The following XRCC4 variants were observed in gnomAD, a reference collection of about 807,000 sequenced individuals.
XRCC4 encodes the protein X-ray repair cross complementing 4, also known as DNA repair protein XRCC4.
Under a neutral mutation model 39.1 loss-of-function variants are expected in XRCC4, and 28 were observed. That is an observed-to-expected ratio of 0.72 (90% confidence interval 0.53 to 0.98). The LOEUF (loss-of-function observed/expected upper bound fraction) is 0.98. Among genes scored for constraint, XRCC4 ranks in the 50% least tolerant of loss-of-function variants. XRCC4 has a pLI of 0.00. For synonymous variants in XRCC4, 123 were observed against 126.4 expected (o/e 0.97, Z 0.18); for missense variants, 350 against 376.4 (o/e 0.93, Z 0.58).
intron 7 of XRCC4, among the ~76,000 whole-genome samples, chr5:83,266,142 T>C (rs2112917660): frequency 6.6e-6 from 1 of 151,974 alleles, no homozygotes; most frequent in South Asian, 2.1e-4. Flanking sequence ...CAACATAGAA[T>C]AATGTGTAAA....
At chr5:83,101,585 A>G (rs1232595325) in intron 1 of XRCC4, among the ~76,000 whole-genome samples, 1 of 152,070 alleles carries the variant, frequency 6.6e-6, no homozygotes, top group Non-Finnish European at 1.5e-5. Context: ...GATTTTGCCA[A>G]GGATTCTTCT....
chr5:83,314,381 A>T (rs1483956759), intron 7 of XRCC4, among the ~76,000 whole-genome samples: 1 of 152,210 alleles, frequency 6.6e-6, no homozygotes, highest in Non-Finnish European at 1.5e-5. Context: ...GATGTATATT[A>T]GTCCAGATTC....
chr5:83,312,151 G>T lies in XRCC4; in HGVS notation c.894-40980G>T, dbSNP rs184497161. Among the ~76,000 whole-genome samples the T allele has an allele frequency of 2.2e-3, 330 of 152,216 alleles. 1 individual carries two copies. Among genetic ancestry groups the T allele is most frequent in the Admixed American group, 5.8e-3 (88 of 15,286 alleles). On this transcript the variant is annotated intron_variant, in intron 7 of 7. Coordinates refer to ENST00000396027, the MANE Select transcript of XRCC4 (RefSeq NM_003401.5). Reference sequence around the variant, plus strand: ...ATATTCTATCAAGACTTTGCTTGTTGGGGCTAAAAAACAAAAACAGTAAAA... The same window carrying T: ...ATATTCTATCAAGACTTTGCTTGTTTGGGCTAAAAAACAAAAACAGTAAAA...
intron 7 of XRCC4, among the ~76,000 whole-genome samples, chr5:83,278,842 G>C (rs1200968377): frequency 6.6e-6 from 1 of 150,936 alleles, no homozygotes; most frequent in African/African-American, 2.4e-5. Flanking sequence ...AAAGAAATTA[G>C]CTGAGCGTGG....
intron 4 of XRCC4, among the ~76,000 whole-genome samples, chr5:83,200,964 A>G (rs879827555): frequency 6.6e-6 from 1 of 152,118 alleles, no homozygotes; most frequent in African/African-American, 2.4e-5. Flanking sequence ...CTCCTTTTCA[A>G]TATTCAGTTT....
chr5:83,342,729 A>G (rs1478250033), intron 7 of XRCC4, among the ~76,000 whole-genome samples: 1 of 151,996 alleles, frequency 6.6e-6, no homozygotes, highest in Non-Finnish European at 1.5e-5. Flanking sequence ...TATTTAGGAG[A>G]TGGTTTTGGT....
At chr5:83,300,087 T>C (rs1755225363) in intron 7 of XRCC4, among the ~76,000 whole-genome samples, 1 of 152,236 alleles carries the variant, frequency 6.6e-6, no homozygotes, top group Admixed American at 6.5e-5. Flanking sequence ...GATTTGAGGT[T>C]GTTTTGTTTT....
At chr5:83,143,742 T>C (rs980413045) in intron 3 of XRCC4, among the ~76,000 whole-genome samples, 3 of 152,124 alleles carry the variant, frequency 2.0e-5, no homozygotes, top group Admixed American at 2.0e-4. Flanking sequence ...AATTTCAATG[T>C]GTTGTTTTGT....
chr5:83,338,903 A>C (rs1756671022), intron 7 of XRCC4, among the ~76,000 whole-genome samples: 1 of 152,194 alleles, frequency 6.6e-6, no homozygotes, highest in African/African-American at 2.4e-5. Context: ...TTTTAGTGTG[A>C]TAAATAAAAG....
At chr5:83,152,829 G>A (rs374408964) in intron 3 of XRCC4, among the ~76,000 whole-genome samples, 64 of 152,160 alleles carry the variant, frequency 4.2e-4, no homozygotes, top group Non-Finnish European at 7.4e-4. Flanking sequence ...CCAAATGGTC[G>A]TGCAGTCGAT....
At chr5:83,356,563 G>A (rs1757192097), downstream of XRCC4, among the ~76,000 whole-genome samples, 1 of 152,154 alleles carries the variant, frequency 6.6e-6, no homozygotes, top group South Asian at 2.1e-4. Context: ...AACATAATAA[G>A]CCTATAATCT....
At chr5:83,329,468 A>G (rs1022673249) in intron 7 of XRCC4, among the ~76,000 whole-genome samples, 1 of 151,960 alleles carries the variant, frequency 6.6e-6, no homozygotes, top group Non-Finnish European at 1.5e-5. Context: ...TAATCAGACA[A>G]TCCCAAAAGG....
intron 1 of XRCC4, among the ~76,000 whole-genome samples, chr5:83,104,467 T>C (rs1021572526): frequency 6.6e-6 from 1 of 152,084 alleles, no homozygotes. Flanking sequence ...ACTCAGCATA[T>C]TGTTGAGATG....
chr5:83,333,257 G>A (rs957791310), intron 7 of XRCC4, among the ~76,000 whole-genome samples: 13 of 152,158 alleles, frequency 8.5e-5, no homozygotes, highest in African/African-American at 2.7e-4. Flanking sequence ...TCAATTACAT[G>A]TGTGGCAGAG....
intron 6 of XRCC4, among the ~76,000 whole-genome samples, chr5:83,206,700 T>G (rs1306949672): frequency 2.0e-5 from 3 of 152,166 alleles, no homozygotes; most frequent in Non-Finnish European, 4.4e-5. Context: ...AAGAATATGT[T>G]TGTATACTGA....
chr5:83,164,852 A>G (rs1484610320), intron 3 of XRCC4, among the ~76,000 whole-genome samples: 1 of 152,136 alleles, frequency 6.6e-6, no homozygotes, highest in Non-Finnish European at 1.5e-5. Context: ...AAAGCTTAAG[A>G]AATTAAGAGT....
intron 3 of XRCC4, among the ~76,000 whole-genome samples, chr5:83,185,407 C>CA (rs1478855789): frequency 1.5e-5 from 2 of 132,950 alleles, no homozygotes; most frequent in African/African-American, 3.0e-5. Context: ...GATTGATATA[C>CA]AAAAAAAGTA....
chr5:83,282,141 C>T (rs181075857), intron 7 of XRCC4, among the ~76,000 whole-genome samples: 22 of 152,234 alleles, frequency 1.4e-4, no homozygotes, highest in Non-Finnish European at 2.8e-4. Context: ...CATTAAATAG[C>T]AAAATAGAAA....
At chr5:83,129,407 C>T (rs79934351) in intron 3 of XRCC4, among the ~76,000 whole-genome samples, 61,314 of 150,626 alleles carry the variant, frequency 0.41, 12,957 homozygotes, top group South Asian at 0.49. Flanking sequence ...AGTCAGGTAG[C>T]ATGATGCCTC....
Sources: gnomAD v4.1 joint callset for allele counts (sites outside exome capture counted in the v4.1 genomes callset) on GRCh38, gnomAD v4.1.1 for gene constraint, MANE v1.5 for transcripts, NCBI Gene and HGNC (gene_info 2026-07-23, HGNC 2026-07-21) for gene names.